OR9Q1: variants seen among roughly 807,000 people sequenced by gnomAD.
OR9Q1 encodes the protein olfactory receptor family 9 subfamily Q member 1.
For synonymous variants in OR9Q1, 153 were observed against 148.6 expected, an observed-to-expected ratio of 1.03 and a Z score of -0.22; for missense variants, 374 against 378.8, an observed-to-expected ratio of 0.99 and a Z score of 0.11.
intron 2 of OR9Q1, among the ~76,000 whole-genome samples, chr11:58,110,199 G>A (rs1168738375): frequency 6.6e-6 from 1 of 152,138 alleles, no homozygotes; most frequent in Non-Finnish European, 1.5e-5. Context: ...AAGCTAGATT[G>A]CTCTTTCTAT....
At chr11:58,086,805 T>G (rs1853638282) in intron 2 of OR9Q1, among the ~76,000 whole-genome samples, 1 of 151,704 alleles carries the variant, frequency 6.6e-6, no homozygotes, top group South Asian at 2.1e-4. Context: ...AAGGTAAAAT[T>G]CATAGAAATA....
intron 2 of OR9Q1, among the ~76,000 whole-genome samples, chr11:58,167,433 ACTTTT>A (rs1355496894): frequency 1.3e-5 from 2 of 152,052 alleles, no homozygotes; most frequent in Non-Finnish European, 2.9e-5. Context: ...AAATTTCTTT[ACTTTT>A]CTTATGTATC....
At chr11:58,096,996 G>A (rs1439592834) in intron 2 of OR9Q1, among the ~76,000 whole-genome samples, 1 of 152,008 alleles carries the variant, frequency 6.6e-6, no homozygotes, top group Non-Finnish European at 1.5e-5. Flanking sequence ...GAGCCACTGT[G>A]CCCTGCCTAA....
At chr11:58,132,984 G>A (rs1336907465) in intron 2 of OR9Q1, among the ~76,000 whole-genome samples, 1 of 152,168 alleles carries the variant, frequency 6.6e-6, no homozygotes, top group South Asian at 2.1e-4. Flanking sequence ...TGCCAGGCCT[G>A]TGAGTTACAG....
intron 2 of OR9Q1, among the ~76,000 whole-genome samples, chr11:58,091,531 T>A (rs1853684189): frequency 6.6e-6 from 1 of 152,224 alleles, no homozygotes; most frequent in South Asian, 2.1e-4. Flanking sequence ...ATTTCTGCAC[T>A]TTTGCATTTA....
chr11:58,179,232 G>A (rs1320851624), intron 2 of OR9Q1, among the ~76,000 whole-genome samples, 199 bp from the exon 3 acceptor site: 1 of 151,860 alleles, frequency 6.6e-6, no homozygotes, highest in South Asian at 2.1e-4. Flanking sequence ...CACCATGTTG[G>A]CCAGGCTGGT....
At chr11:58,035,455 T>C (rs955762458) in intron 1 of OR9Q1, among the ~76,000 whole-genome samples, 5 of 152,230 alleles carry the variant, frequency 3.3e-5, no homozygotes, top group Admixed American at 1.3e-4. Flanking sequence ...TTTATGGCAG[T>C]GTCAACTCTT....
intron 2 of OR9Q1, among the ~76,000 whole-genome samples, chr11:58,160,638 G>T (rs1400291827): frequency 6.6e-6 from 1 of 152,080 alleles, no homozygotes; most frequent in Non-Finnish European, 1.5e-5. Context: ...TTCAAAAAAA[G>T]ATTTCTTGTT....
intron 1 of OR9Q1, among the ~76,000 whole-genome samples, chr11:58,032,547 G>GA (rs1853052504): frequency 6.6e-6 from 1 of 152,144 alleles, no homozygotes; most frequent in Non-Finnish European, 1.5e-5. Context: ...ATGGTGCTGG[G>GA]AAAACTGGCT....
chr11:58,163,224 G>A (rs1013888591), intron 2 of OR9Q1, among the ~76,000 whole-genome samples: 14 of 152,158 alleles, frequency 9.2e-5, no homozygotes, highest in Non-Finnish European at 1.6e-4. Flanking sequence ...GTATGGGAAT[G>A]ATTGATTACA....
At chr11:58,159,838 T>G (rs1351357607) in intron 2 of OR9Q1, among the ~76,000 whole-genome samples, 1 of 152,228 alleles carries the variant, frequency 6.6e-6, no homozygotes, top group Non-Finnish European at 1.5e-5. Context: ...AAGATACTCA[T>G]ACCAAATTAC....
chr11:58,083,894 A>G (rs1044917905), intron 2 of OR9Q1, among the ~76,000 whole-genome samples: 1 of 151,896 alleles, frequency 6.6e-6, no homozygotes, highest in African/African-American at 2.4e-5. Flanking sequence ...GGGTAGTGTT[A>G]TGTCTCCAGC....
At chr11:58,155,711 C>T (rs1220613954) in intron 2 of OR9Q1, among the ~76,000 whole-genome samples, 1 of 152,112 alleles carries the variant, frequency 6.6e-6, no homozygotes, top group Non-Finnish European at 1.5e-5. Context: ...CCTCAGTTTG[C>T]TTAACAGTGG....
intron 2 of OR9Q1, among the ~76,000 whole-genome samples, chr11:58,120,092 A>G (rs1280066756): frequency 1.3e-5 from 2 of 152,218 alleles, no homozygotes; most frequent in African/African-American, 2.4e-5. Flanking sequence ...ATTAGCTGAT[A>G]ACAAAAAGTC....
At chr11:58,123,070 G>T (rs1241831373) in intron 2 of OR9Q1, among the ~76,000 whole-genome samples, 1 of 151,236 alleles carries the variant, frequency 6.6e-6, no homozygotes, top group African/African-American at 2.4e-5. Context: ...ATTTAATTCT[G>T]AAAGCAGCCC....
intron 2 of OR9Q1, among the ~76,000 whole-genome samples, chr11:58,060,772 A>G (rs1853373222): frequency 6.7e-6 from 1 of 149,122 alleles, no homozygotes; most frequent in South Asian, 2.1e-4. Flanking sequence ...AACTTAAGAA[A>G]GAGTCATGAA....
intron 2 of OR9Q1, among the ~76,000 whole-genome samples, chr11:58,091,230 G>T (rs1853681423): frequency 6.6e-6 from 1 of 152,044 alleles, no homozygotes; most frequent in South Asian, 2.1e-4. Context: ...TTTTAATCGT[G>T]ATGTTAGGCT....
intron 2 of OR9Q1, among the ~76,000 whole-genome samples, chr11:58,161,412 A>G (rs1590622181): frequency 6.6e-6 from 1 of 152,242 alleles, no homozygotes; most frequent in East Asian, 1.9e-4. Context: ...TAATAGATGG[A>G]CAGAAAATAC....
At chr11:58,114,347 TAAATG>T (rs1355993391) in intron 2 of OR9Q1, among the ~76,000 whole-genome samples, 1 of 152,226 alleles carries the variant, frequency 6.6e-6, no homozygotes, top group Non-Finnish European at 1.5e-5. Flanking sequence ...TTGGTAATGA[TAAATG>T]AAAGAGAGAC....
Sources: gnomAD v4.1 joint callset for allele counts (sites outside exome capture counted in the v4.1 genomes callset) on GRCh38, gnomAD v4.1.1 for gene constraint, MANE v1.5 for transcripts, NCBI Gene and HGNC (gene_info 2026-07-23, HGNC 2026-07-21) for gene names.